MYCBPAP: variants seen among roughly 807,000 people sequenced by gnomAD.
MYCBPAP encodes the protein MYCBP associated protein.
Under a neutral mutation model 106.1 loss-of-function variants are expected in MYCBPAP, and 60 were observed. The observed-to-expected ratio is 0.57, with a 90% CI of 0.46 to 0.70. MYCBPAP has a LOEUF of 0.70. MYCBPAP is among the 30% of genes least tolerant of loss of function. The probability of loss-of-function intolerance (pLI) is 0.00; values close to 1 mark genes in which losing one functional copy is unlikely to be tolerated. For missense variants in MYCBPAP, 1,064 were observed against 1,169.3 expected (o/e 0.91, Z 1.31); for synonymous variants, 407 against 440.6 (o/e 0.92, Z 0.95).
At chr17:50,507,800 C>T (rs935505245), upstream of MYCBPAP, among the ~76,000 whole-genome samples, 1 of 152,268 alleles carries the variant, frequency 6.6e-6, no homozygotes, top group African/African-American at 2.4e-5. Flanking sequence ...TGAGGCAGCT[C>T]CTGCTCTCAT....
intron 13 of MYCBPAP, chr17:50,525,230 A>G (rs2034419789): frequency 3.7e-6 from 2 of 536,658 alleles, no homozygotes; most frequent in East Asian, 3.3e-5. Flanking sequence ...GAAATTGTAC[A>G]CTCCTTATGA....
rs574207990 is a variant in MYCBPAP at position 50,516,430 on chromosome 17, C to G, written c.77-140C>G. The G allele has an allele frequency of 2.4e-3, 2,561 of 1,064,032 alleles. 51 individuals carry two copies. In the African/African-American group the frequency reaches 0.038, roughly 16 times the overall value. 65.9% of individuals were successfully genotyped at this position (1,064,032 alleles called of 1,614,324 possible). On this transcript the variant is annotated intron_variant, in intron 1 of 18. Transcript: ENST00000323776. ...GTGCTACCCAGGCCACCTTGGCAGC[C>G]TCTGCTATCTATCCAGCTGGTCAGC...
chr17:50,527,298 G>A lies in MYCBPAP; in HGVS notation c.2181G>A (p.Val727=), dbSNP rs1210298797. The change falls in exon 15 of 19, where the codon GTG becomes GTA. Residue 727 remains valine, a synonymous_variant. Coordinates refer to ENST00000323776, the MANE Select transcript of MYCBPAP (RefSeq NM_032133.6). ...CLEDFRKAVM[V]LPDENHREDA... is the part of the protein sequence containing the mutation. ...CATGACCCTGCCAGGCAGTGATGGT[G>A]CTCCCTGATGAGAACCACAGAGAGG... 9 of 1,613,888 alleles carry A rather than the reference G, an allele frequency of 5.6e-6. No homozygotes were observed. In the South Asian group the frequency reaches 9.9e-5, roughly 18 times the overall value.
chr17:50,528,885 T>C (rs762930962), intron 17 of MYCBPAP, 45 bp downstream of exon 17: 7 of 1,606,310 alleles, frequency 4.4e-6, no homozygotes, highest in South Asian at 3.3e-5. Flanking sequence ...GGGGAGGGGA[T>C]TGGAGGGGCT....
At chr17:50,511,561 C>T (rs374256814) in intron 1 of MYCBPAP, among the ~76,000 whole-genome samples, 2 of 152,202 alleles carry the variant, frequency 1.3e-5, no homozygotes, top group Admixed American at 6.5e-5. Context: ...ATAGTTTCCC[C>T]GCTCCGTATC....
chr17:50,525,580 C>T (rs952842483), intron 13 of MYCBPAP, among the ~76,000 whole-genome samples: 1 of 151,982 alleles, frequency 6.6e-6, no homozygotes, highest in Non-Finnish European at 1.5e-5. Context: ...TCAAACTCCC[C>T]GGCTCAGGTG....
Position 50,526,094 on chromosome 17 carries a change from A to G in MYCBPAP, c.1996A>G (p.Arg666Gly). 6.2e-7 allele frequency: 1 copy of G among 1,613,902 alleles called. No homozygotes were observed. The stretch of plus-strand genomic sequence containing the variant: ...GCCCCGGCCTGAGAACGAGGCCCTC[A>G]GGGAATCCGGGTCCCAGAAGGCCAG... ...QVPRPENEAL[R>G]ESGSQKARVG... Residue 666 changes from arginine (R) to glycine (G), a missense_variant, in exon 14 of 19, where the codon AGG becomes GGG. By Grantham distance (125) the Arg-to-Gly change is moderately radical. Transcript: ENST00000323776.
At chr17:50,522,441 TCCCAGCAC>T in intron 10 of MYCBPAP, 2 of 177,316 alleles carry the variant, frequency 1.1e-5, no homozygotes, top group Admixed American at 5.4e-5. Flanking sequence ...ACGCCTGTAA[TCCCAGCAC>T]TTTGGGAGGC....
At chr17:50,516,409 T>C (rs112815427) in intron 1 of MYCBPAP, among the ~76,000 whole-genome samples, 161 bp from the exon 2 acceptor site, 9,185 of 152,126 alleles carry the variant, frequency 0.06, 309 homozygotes, top group African/African-American at 0.095. Context: ...AGCAAAGTGC[T>C]ACCCAGGCCA....
chr17:50,512,118 A>G (rs570032311), intron 1 of MYCBPAP, among the ~76,000 whole-genome samples: 1 of 149,610 alleles, frequency 6.7e-6, no homozygotes, highest in South Asian at 2.1e-4. Flanking sequence ...CAGTGGTGCA[A>G]ACTCGGCTCA....
At chr17:50,512,842 G>A (rs2033901977) in intron 1 of MYCBPAP, among the ~76,000 whole-genome samples, 1 of 152,184 alleles carries the variant, frequency 6.6e-6, no homozygotes, top group Non-Finnish European at 1.5e-5. Context: ...GGGAGGCCGA[G>A]GTGGGCAGAT....
At chr17:50,512,571 G>A (rs2033893683) in intron 1 of MYCBPAP, among the ~76,000 whole-genome samples, 1 of 152,166 alleles carries the variant, frequency 6.6e-6, no homozygotes, top group South Asian at 2.1e-4. Context: ...TAATCCACAT[G>A]GATCTGTTCC....
rs1038302869 is a variant in MYCBPAP at position 50,529,177 on chromosome 17, C to G, written c.2713C>G (p.Leu905Val). 6.2e-7 allele frequency: 1 copy of G among 1,611,852 alleles called. No homozygotes were observed. The highest frequency in any genetic ancestry group is 1.3e-5 in the African/African-American group (1 of 74,872). The change falls in exon 18 of 19, where the codon CTG becomes GTG. Residue 905 changes from leucine (L) to valine (V), a missense_variant. Coordinates refer to ENST00000323776, the MANE Select transcript of MYCBPAP (RefSeq NM_032133.6). ...PLVMGKYTQS[L>V]HSEVRGLLDT... ...GGTCATGGGGAAATACACCCAGAGC[C>G]TGCACAGTGAGGTGAAGGGAAGCGC... is the stretch of plus-strand genomic sequence containing the variant.
chr17:50,522,841 C>G (rs2034325138), intron 10 of MYCBPAP, 98 bp from the exon 11 acceptor site: 1 of 1,208,348 alleles, frequency 8.3e-7, no homozygotes, highest in African/African-American at 1.5e-5. Flanking sequence ...ACGAGACTTG[C>G]AGTGCTAAAG....
chr17:50,527,148 A>G, intron 14 of MYCBPAP, 139 bp from the exon 15 acceptor site: 1 of 1,211,982 alleles, frequency 8.3e-7, no homozygotes. Flanking sequence ...CTCCCACCAA[A>G]GGCACCCAGA....
intron 4 of MYCBPAP, 52 bp from the exon 5 acceptor site, chr17:50,518,489 C>T (rs953453585): frequency 1.0e-5 from 15 of 1,482,052 alleles, no homozygotes; most frequent in Non-Finnish European, 1.3e-5. Flanking sequence ...TGTGCTCAGC[C>T]CTGCCCAGAG....
In MYCBPAP at chr17:50,528,833, G is replaced by A. The variant is rs2290863; in HGVS notation, c.2546G>A (p.Gly849Glu). The change falls in exon 17 of 19, where the codon GGG becomes GAG. Residue 849 changes from glycine to glutamate, a missense_variant. Transcript: ENST00000323776. ...GACAAGAAAGGAGCCAAGCTGCTCG[G>A]GAAAGAGGCATGCTGGGGCGTGGTC... ...KEDKKGAKLL[G>E]KEDRPNSKKH... is the part of the protein sequence containing the mutation. 5.3e-4 allele frequency: 857 copies of A among 1,613,576 alleles called. 14 individuals carry two copies. The East Asian group carries it at 0.017, about 32-fold the overall frequency.
intron 18 of MYCBPAP, 136 bp from the exon 19 acceptor site, chr17:50,531,191 G>A: frequency 1.8e-6 from 1 of 561,828 alleles, no homozygotes; most frequent in Non-Finnish European, 3.0e-6. Flanking sequence ...TATTTCACAA[G>A]AACTTTGAAC....
intron 7 of MYCBPAP, chr17:50,520,133 A>G (rs938341584): frequency 1.0e-5 from 2 of 198,346 alleles, no homozygotes; most frequent in African/African-American, 2.3e-5. Context: ...TGAAAACAAT[A>G]TATTTTATTA....
Sources: gnomAD v4.1 joint callset for allele counts (sites outside exome capture counted in the v4.1 genomes callset) on GRCh38, gnomAD v4.1.1 for gene constraint, MANE v1.5 for transcripts, NCBI Gene and HGNC (gene_info 2026-07-23, HGNC 2026-07-21) for gene names.